Variants in MAP9 observed in about 807,000 individuals in gnomAD.
MAP9 encodes microtubule associated protein 9, also known as microtubule-associated protein 9.
Under a neutral mutation model 75.2 loss-of-function variants are expected in MAP9, and 80 were observed. That is an observed-to-expected ratio of 1.06 (90% CI 0.89 to 1.28). MAP9 has a LOEUF of 1.28. Among genes scored for constraint, MAP9 ranks in the 50% most tolerant of loss-of-function variants. The pLI is 0.00. For missense variants in MAP9, 753 were observed against 719.9 expected (o/e 1.05, Z -0.53); for synonymous variants, 235 against 237.3 (o/e 0.99, Z 0.09).
Position 155,375,153 on chromosome 4 carries a change from C to T in MAP9, c.76-132G>A, listed in dbSNP as rs1007179890. 2.0e-5 allele frequency: 12 copies of T among 612,474 alleles called. No individual in the cohort carries two copies. In the Admixed American group the frequency reaches 2.3e-4, roughly 12 times the overall value. 37.9% of individuals were successfully genotyped at this position (612,474 alleles called of 1,614,324 possible). On this transcript the variant is annotated intron_variant, in intron 2 of 13. Transcript: ENST00000311277. ...GGTTTCATTCATCTAACAAATATTT[C>T]CTGCAAGCTCACTTTATGCCATGTA...
In MAP9 at chr4:155,355,795, T is replaced by G; in HGVS notation, c.1211A>C (p.Lys404Thr). The G allele has an allele frequency of 6.2e-7, 1 of 1,613,962 alleles. No individual in the cohort carries two copies. The highest frequency in any genetic ancestry group is 1.1e-5 in the South Asian group (1 of 91,084). The change falls in exon 9 of 14, where the codon AAA (lysine) becomes ACA (threonine). Residue 404 changes from lysine (K) to threonine (T), a missense_variant. Coordinates refer to ENST00000311277, the MANE Select transcript of MAP9 (RefSeq NM_001039580.2). ...CTGTGAAGGTTTTTGGTCCAAGACT[T>G]TTAAAGTCCCTAAATAGTGAGAAGA... ...TTSSHYLGTL[K>T]VLDQKPSQKQ...
intron 10 of MAP9, 35 bp from the exon 11 acceptor site, chr4:155,353,375 T>G (rs777556013): frequency 6.9e-7 from 1 of 1,458,974 alleles, no homozygotes; most frequent in South Asian, 1.5e-5. Flanking sequence ...GATATACATA[T>G]ATATGTATAT....
At chr4:155,365,196 AAGAT>A (rs1560813106) in intron 5 of MAP9, among the ~76,000 whole-genome samples, 1 of 152,068 alleles carries the variant, frequency 6.6e-6, no homozygotes, top group Non-Finnish European at 1.5e-5. Flanking sequence ...TGAAAGAAAA[AAGAT>A]AGAAAGCATA....
intron 3 of MAP9, 150 bp from the exon 4 acceptor site, chr4:155,373,606 T>G (rs1028365409): frequency 5.7e-6 from 3 of 529,648 alleles, no homozygotes; most frequent in Non-Finnish European, 9.7e-6. Flanking sequence ...CTTGCAGCTC[T>G]AAAAACACAG....
At chr4:155,364,489 GAATA>G (rs1732234261) in intron 5 of MAP9, among the ~76,000 whole-genome samples, 1 of 146,650 alleles carries the variant, frequency 6.8e-6, no homozygotes, top group Non-Finnish European at 1.5e-5. Flanking sequence ...TATAAGAATA[GAATA>G]TATATTACCT....
intron 4 of MAP9, among the ~76,000 whole-genome samples, chr4:155,369,542 C>CT (rs1732503463): frequency 6.6e-6 from 1 of 152,082 alleles, no homozygotes; most frequent in South Asian, 2.1e-4. Context: ...TCCATCAAGC[C>CT]TTTGAGTACC....
intron 6 of MAP9, 25 bp from the exon 7 acceptor site, chr4:155,360,440 T>A (rs926174392): frequency 1.9e-6 from 3 of 1,589,172 alleles, no homozygotes; most frequent in Non-Finnish European, 2.6e-6. Flanking sequence ...AGTAATAGCA[T>A]TAAAACCCCC....
intron 3 of MAP9, among the ~76,000 whole-genome samples, chr4:155,374,194 C>T (rs1732731369): frequency 6.6e-6 from 1 of 152,040 alleles, no homozygotes; most frequent in Non-Finnish European, 1.5e-5. Context: ...CAAAAATTAG[C>T]CGGGCATGGT....
chr4:155,355,579 A>G, intron 9 of MAP9, 137 bp downstream of exon 9: 1 of 597,114 alleles, frequency 1.7e-6, no homozygotes, highest in Non-Finnish European at 2.6e-6. Context: ...TTACTCATGT[A>G]TTAAAAGGAA....
Position 155,368,737 on chromosome 4 carries a change from C to A in MAP9, c.557G>T (p.Ser186Ile). Residue 186 changes from serine to isoleucine, a missense_variant, in exon 5 of 14, where the codon AGT becomes ATT. Physicochemically the swap from Ser to Ile is moderately radical, Grantham distance 142. Transcript: ENST00000311277. ...TAGTCCATCCTTCTCCTCCATGTGACTTTTCTTTTTCAACATACTCCTTGG... is the reference window on the plus strand; with the variant it reads ...TAGTCCATCCTTCTCCTCCATGTGAATTTTCTTTTTCAACATACTCCTTGG... ...PRPRSMLKKK[S>I]HMEEKDGLED... The A allele has an allele frequency of 6.2e-7, 1 of 1,614,084 alleles. No individual in the cohort carries two copies. Among genetic ancestry groups the A allele is most frequent in the Non-Finnish European group, 8.5e-7 (1 of 1,179,950 alleles).
At position 155,343,245 on chromosome 4, in the gene MAP9, C is replaced by A. The variant is rs185068080; in HGVS notation, c.*4538G>T. On this transcript the variant is annotated 3_prime_UTR_variant, in exon 14 of 14. Coordinates refer to ENST00000311277, the MANE Select transcript of MAP9 (RefSeq NM_001039580.2). ...ATGCATACATATTTGTATATACACA[C>A]AGATAGCACAGGAGAGAGACAGAGT... The A allele has an allele frequency of 6.0e-5, 9 of 149,602 alleles. No homozygotes were observed. The highest frequency in any genetic ancestry group is 1.5e-5 in the Non-Finnish European group (1 of 67,222). The allele number at this position is 149,602 out of a possible 1,614,324, so 9.3% of individuals were successfully genotyped here.
chr4:155,372,430 T>C (rs1732641691), intron 4 of MAP9, among the ~76,000 whole-genome samples: 1 of 152,208 alleles, frequency 6.6e-6, no homozygotes, highest in South Asian at 2.1e-4. Context: ...CCAGGGTATG[T>C]GACAGGACTT....
At chr4:155,351,916 T>C (rs971746693) in intron 13 of MAP9, among the ~76,000 whole-genome samples, 2 of 152,018 alleles carry the variant, frequency 1.3e-5, no homozygotes, top group Non-Finnish European at 2.9e-5. Flanking sequence ...TACCTACTTA[T>C]GTAAAGTATT....
chr4:155,374,952 C>A lies in MAP9; in HGVS notation c.145G>T (p.Asp49Tyr). Residue 49 changes from aspartate to tyrosine, a missense_variant, in exon 3 of 14, where the codon GAC becomes TAC. Transcript: ENST00000311277. ...TGTCACATACCAATCTCATCACTGTCAAAGTCATCTGAGTATTCAGAACTC... is the reference window on the plus strand; with the variant it reads ...TGTCACATACCAATCTCATCACTGTAAAAGTCATCTGAGTATTCAGAACTC... ...QRSSEYSDDFDSDEIVSLGDF... is the reference protein window; with the variant it reads ...QRSSEYSDDFYSDEIVSLGDF... The A allele has an allele frequency of 1.3e-6, 2 of 1,588,212 alleles. No individual in the cohort carries two copies. The highest frequency in any genetic ancestry group is 1.7e-6 in the Non-Finnish European group (2 of 1,160,316).
chr4:155,360,607 C>T lies in MAP9; in HGVS notation c.803-192G>A. 1.3e-5 allele frequency: 7 copies of T among 548,732 alleles called. No homozygotes were observed. The South Asian group carries it at 1.8e-4, about 14-fold the overall frequency. The allele number at this position is 548,732 out of a possible 1,614,324, so 34.0% of individuals were successfully genotyped here. ...GATTTACAAAAAAAAATAGTCTAGG[C>T]TTAACTAATGAAGCACTTAACAAAT... On this transcript the variant is annotated intron_variant, in intron 6 of 13. Transcript: ENST00000311277.
At chr4:155,349,404 C>A (rs149949707) in intron 13 of MAP9, 1 of 152,048 alleles carries the variant, frequency 6.6e-6, no homozygotes, top group African/African-American at 2.4e-5. Context: ...CTTAGTGAAA[C>A]CTGCCTCTGC....
At chr4:155,364,288 A>G (rs1418655418) in intron 5 of MAP9, among the ~76,000 whole-genome samples, 1 of 151,976 alleles carries the variant, frequency 6.6e-6, no homozygotes, top group African/African-American at 2.4e-5. Context: ...AGAAAAGCAA[A>G]GACTGAGAAA....
intron 6 of MAP9, chr4:155,361,234 T>A (rs985485907): frequency 2.0e-5 from 3 of 152,052 alleles, no homozygotes; most frequent in Non-Finnish European, 4.4e-5. Context: ...AATTCACTAT[T>A]GGATTCTTTG....
intron 5 of MAP9, among the ~76,000 whole-genome samples, chr4:155,366,678 C>T (rs181087361): frequency 7.3e-4 from 111 of 152,212 alleles, no homozygotes; most frequent in African/African-American, 2.5e-3. Flanking sequence ...GAGGGACTAT[C>T]GTGAACAACT....
Sources: gnomAD v4.1 joint callset for allele counts (sites outside exome capture counted in the v4.1 genomes callset) on GRCh38, gnomAD v4.1.1 for gene constraint, MANE v1.5 for transcripts, NCBI Gene and HGNC (gene_info 2026-07-23, HGNC 2026-07-21) for gene names.